The following ARMCX4 variants were observed in gnomAD, a reference collection of about 807,000 sequenced individuals.
The protein encoded by ARMCX4 is armadillo repeat containing X-linked 4, also known as armadillo repeat-containing X-linked protein 4.
ARMCX4 carries 3 observed loss-of-function variants against 34.7 expected under a neutral mutation model. The ratio of observed to expected loss-of-function variants is 0.09; its 90% CI spans 0.04 to 0.22. The LOEUF is 0.22. Among genes scored for constraint, ARMCX4 ranks in the 10% least tolerant of loss-of-function variants. The pLI, the probability that ARMCX4 is intolerant of heterozygous loss-of-function variation, is 1.00. For missense variants in ARMCX4, 1,448 were observed against 1,720.8 expected (o/e 0.84, Z 2.81); for synonymous variants, 513 against 632.8 (o/e 0.81, Z 2.84).
At position 101,495,364 on chromosome X, in the gene ARMCX4, C is replaced by T; in HGVS notation, c.6775C>T (p.Arg2259Ter). 1 of 1,153,171 alleles carries T rather than the reference C, an allele frequency of 8.7e-7. No homozygotes were observed. Among genetic ancestry groups the T allele is most frequent in the Non-Finnish European group, 1.1e-6 (1 of 871,441 alleles). ...AAATTCCCTTTATTTCCTATTCCAA[C>T]GACCTAAAGCATGTGCCAAGAAACT... ...SKNSLYFLFQRPKACAKKLRA... is the reference protein window; with the variant it reads ...SKNSLYFLFQ Residue 2259 changes from arginine to a stop codon, truncating the protein, a stop_gained, in exon 6 of 6, where the codon CGA becomes TGA. Transcript: ENST00000423738. LOFTEE classifies it high-confidence loss of function.
intron 3 of ARMCX4, chrX:101,444,236 T>A (rs1476629474): frequency 9.7e-6 from 2 of 205,217 alleles, no homozygotes; most frequent in Non-Finnish European, 1.8e-5. Context: ...AGTATTTTGT[T>A]ATAACAGCAC....
At chrX:101,531,464 A>G (rs1221927211) in intron 11 of ARMCX4, among the ~76,000 whole-genome samples, 1 of 111,985 alleles carries the variant, frequency 8.9e-6, no homozygotes, top group Non-Finnish European at 1.9e-5. Flanking sequence ...GGCTAACATA[A>G]TGCTTATGTC....
intron 11 of ARMCX4, among the ~76,000 whole-genome samples, chrX:101,522,391 G>T (rs183048670): frequency 3.0e-3 from 333 of 111,707 alleles, no homozygotes; most frequent in African/African-American, 9.2e-3. Flanking sequence ...AATCTGAAGT[G>T]TGTCTCTTAT....
intron 11 of ARMCX4, among the ~76,000 whole-genome samples, chrX:101,526,249 G>A (rs1381316276): frequency 9.0e-6 from 1 of 111,640 alleles, no homozygotes; most frequent in African/African-American, 3.3e-5. Context: ...CGTAAGTGAA[G>A]GAGAAATAAA....
intron 4 of ARMCX4, among the ~76,000 whole-genome samples, chrX:101,462,250 T>A (rs781950986): frequency 8.9e-6 from 1 of 111,952 alleles, no homozygotes; most frequent in African/African-American, 3.2e-5. Flanking sequence ...AATCTTTGGG[T>A]CAGGGAGTGA....
chrX:101,445,292 C>A (rs891695763), intron 3 of ARMCX4, among the ~76,000 whole-genome samples: 1 of 112,233 alleles, frequency 8.9e-6, no homozygotes, highest in East Asian at 2.8e-4. Flanking sequence ...AAGCTCCCCC[C>A]ACTATGGATA....
chrX:101,443,379 G>A (rs1294407413), intron 2 of ARMCX4, among the ~76,000 whole-genome samples: 3 of 111,459 alleles, frequency 2.7e-5, no homozygotes, highest in African/African-American at 6.5e-5. Context: ...AGCAGAGGGC[G>A]GCCCTCATCA....
intron 11 of ARMCX4, among the ~76,000 whole-genome samples, chrX:101,519,739 C>A (rs1284272317): frequency 1.8e-5 from 2 of 111,351 alleles, no homozygotes; most frequent in African/African-American, 3.3e-5. Context: ...TTTTGAGGAA[C>A]CTCCATACTG....
At chrX:101,480,017 A>C (rs782025735) in intron 4 of ARMCX4, among the ~76,000 whole-genome samples, 1 of 109,587 alleles carries the variant, frequency 9.1e-6, no homozygotes, top group Non-Finnish European at 1.9e-5. Flanking sequence ...AAGTCAATCG[A>C]TGAAACAGAT....
chrX:101,497,003 T>C (rs1337543533), downstream of ARMCX4, among the ~76,000 whole-genome samples: 1 of 112,173 alleles, frequency 8.9e-6, no homozygotes, highest in Non-Finnish European at 1.9e-5. Flanking sequence ...GATGTATGTC[T>C]ACACATTTAA....
intron 10 of ARMCX4, among the ~76,000 whole-genome samples, chrX:101,510,244 T>C (rs1356833573): frequency 1.8e-5 from 2 of 112,328 alleles, no homozygotes; most frequent in Non-Finnish European, 3.8e-5. Context: ...TTAGGTTGTT[T>C]ATTTGCTTGT....
intron 3 of ARMCX4, among the ~76,000 whole-genome samples, chrX:101,445,353 T>C (rs1374755314): frequency 2.7e-5 from 3 of 111,829 alleles, no homozygotes; most frequent in Non-Finnish European, 5.6e-5. Flanking sequence ...TCTTGGCAAA[T>C]GGCACAATTT....
chrX:101,485,468 C>A lies in ARMCX4; in HGVS notation c.-499C>A. On this transcript the variant is annotated 5_prime_UTR_variant, in exon 1 of 6. Transcript: ENST00000423738. ...CGTTGCAGTCGTCACTCGCATCTGG[C>A]TACCAGCTCCCCGCTGCCCTGCGCT... The A allele has an allele frequency of 1.4e-6, 1 of 696,593 alleles. No individual in the cohort carries two copies. Among genetic ancestry groups the A allele is most frequent in the Non-Finnish European group, 1.7e-6 (1 of 586,285 alleles). 57.4% of individuals were successfully genotyped at this position (696,593 alleles called of 1,213,427 possible).
rs782806038 is a variant in ARMCX4, at chrX:101,491,702, G to A, written c.3113G>A (p.Gly1038Asp). ...CCTCAGATTGTGGCCGGTTCCCAGG[G>A]TGAGACCTTGCCTGGGGCAAGGGAC... ...AQPQIVAGSQ[G>D]ETLPGARDKS... Residue 1038 changes from glycine (G) to aspartate (D), a missense_variant, in exon 6 of 6, where the codon GGT (glycine) becomes GAT (aspartate). Gly to Asp is a moderately conservative substitution (Grantham distance 94). This residue lies in a region of ARMCX4 where 1,343 missense variants were observed against 1,540.7 expected (regional missense o/e 0.87). Transcript: ENST00000423738. 45 of 1,155,839 alleles carry A rather than the reference G, an allele frequency of 3.9e-5. No homozygotes were observed. Among genetic ancestry groups the A allele is most frequent in the South Asian group, 9.5e-5 (5 of 52,714 alleles).
Position 101,490,205 on chromosome X carries a change from G to C in ARMCX4, c.1616G>C (p.Gly539Ala), listed in dbSNP as rs1455913949. 4.3e-6 allele frequency: 5 copies of C among 1,155,356 alleles called. No homozygotes were observed. Among genetic ancestry groups the C allele is most frequent in the Non-Finnish European group, 5.7e-6 (5 of 872,734 alleles). Residue 539 changes from glycine (G) to alanine (A), a missense_variant, in exon 6 of 6, where the codon GGG becomes GCG. Physicochemically the swap from Gly to Ala is moderately conservative, Grantham distance 60 (BLOSUM62 0). This residue lies in a region of ARMCX4 where 1,343 missense variants were observed against 1,540.7 expected (regional missense o/e 0.87). Coordinates refer to ENST00000423738, the MANE Select transcript of ARMCX4 (RefSeq NM_001256155.3). ...AAAGCCAAAGCCAAGTGTAAGACAG[G>C]GCCTGGGATGGACATGAAAACCTGT... Reference protein sequence around the residue: ...RGKAKAKCKTGPGMDMKTCTQ... With the variant: ...RGKAKAKCKTAPGMDMKTCTQ...
At chrX:101,513,804 C>T (rs1556017002) in intron 11 of ARMCX4, among the ~76,000 whole-genome samples, 1 of 110,397 alleles carries the variant, frequency 9.1e-6, no homozygotes. Flanking sequence ...CTTTATTAGT[C>T]CTGCTTGAAT....
chrX:101,500,319 G>A (rs189929579), downstream of ARMCX4, among the ~76,000 whole-genome samples: 2 of 111,646 alleles, frequency 1.8e-5, no homozygotes, highest in East Asian at 5.6e-4. Context: ...AAGCCCTATA[G>A]TAGTTCTTTG....
chrX:101,464,237 G>T (rs1427846191), intron 4 of ARMCX4, among the ~76,000 whole-genome samples: 1 of 110,441 alleles, frequency 9.1e-6, no homozygotes, highest in African/African-American at 3.3e-5. Flanking sequence ...TTAGCCAGGC[G>T]TGGTGGCGGG....
chrX:101,507,954 G>A (rs933768359), intron 8 of ARMCX4, among the ~76,000 whole-genome samples: 11 of 112,160 alleles, frequency 9.8e-5, no homozygotes, highest in African/African-American at 3.2e-4. Flanking sequence ...TAGTGATGTC[G>A]TAGCCATTGT....
Sources: allele counts gnomAD v4.1 joint callset (sites outside exome capture counted in the v4.1 genomes callset), GRCh38; gene constraint gnomAD v4.1.1; regional missense constraint gnomAD v4.1.1; transcripts MANE v1.5; gene names NCBI Gene and HGNC (gene_info 2026-07-23, HGNC 2026-07-21).